UVRAG: variants seen among roughly 807,000 people sequenced by gnomAD.
The protein encoded by UVRAG is UV radiation resistance associated.
In UVRAG, 19 loss-of-function variants were observed where a neutral mutation model predicts 78.0. That is an observed-to-expected ratio of 0.24 (90% CI 0.17 to 0.36). The LOEUF (loss-of-function observed/expected upper bound fraction) is 0.36. UVRAG is among the 10% of genes least tolerant of loss of function. The pLI is 1.00. For synonymous variants in UVRAG, 323 were observed against 324.6 expected (o/e 1.00, Z 0.05); for missense variants, 740 against 853.8 (o/e 0.87, Z 1.66).
intron 14 of UVRAG, among the ~76,000 whole-genome samples, chr11:76,134,260 C>A (rs1450312645): frequency 8.1e-6 from 1 of 122,846 alleles, no homozygotes; most frequent in Non-Finnish European, 1.7e-5. Context: ...CACACCTGGC[C>A]TTTTTTTTTT....
At chr11:76,011,217 GATAAA>G (rs1353467335) in intron 11 of UVRAG, among the ~76,000 whole-genome samples, 4 of 152,152 alleles carry the variant, frequency 2.6e-5, no homozygotes, top group African/African-American at 9.7e-5. Flanking sequence ...CAAAATGTGA[GATAAA>G]ATGAAATAAA....
intron 13 of UVRAG, among the ~76,000 whole-genome samples, chr11:76,105,096 T>C (rs1187058497): frequency 6.6e-6 from 1 of 152,200 alleles, no homozygotes; most frequent in Non-Finnish European, 1.5e-5. Context: ...ATAAATCATA[T>C]GTGTTAAGTA....
chr11:75,909,648 T>C (rs2135019136), intron 5 of UVRAG, among the ~76,000 whole-genome samples: 1 of 152,376 alleles, frequency 6.6e-6, no homozygotes, highest in East Asian at 1.9e-4. Flanking sequence ...TATAATGGTG[T>C]GCCCATCAAG....
chr11:76,002,845 G>A (rs1949843179), intron 8 of UVRAG, among the ~76,000 whole-genome samples: 1 of 152,118 alleles, frequency 6.6e-6, no homozygotes, highest in African/African-American at 2.4e-5. Context: ...GGAGGCCACG[G>A]CAGGCGGATG....
In UVRAG at chr11:76,083,991, G is replaced by A. The variant is rs1203312367; in HGVS notation, c.1305+18203G>A. Among the ~76,000 whole-genome samples the A allele has an allele frequency of 2.6e-5, 4 of 152,340 alleles. No homozygotes were observed. In the East Asian group the frequency reaches 5.8e-4, roughly 22 times the overall value. On this transcript the variant is annotated intron_variant, in intron 13 of 14. Coordinates refer to ENST00000356136, the MANE Select transcript of UVRAG (RefSeq NM_003369.4). ...AGTTCTAAGCAGTGGGCTTAGCCAG[G>A]TTGGTTAGTGCTGCCTTAGGACTGA...
chr11:75,920,473 A>G (rs760592130), intron 6 of UVRAG, among the ~76,000 whole-genome samples: 7 of 152,184 alleles, frequency 4.6e-5, no homozygotes, highest in Non-Finnish European at 1.0e-4. Flanking sequence ...ACATATACAC[A>G]CACACACAGT....
intron 12 of UVRAG, among the ~76,000 whole-genome samples, chr11:76,055,232 G>C (rs1172615532): frequency 1.3e-5 from 2 of 152,086 alleles, no homozygotes; most frequent in Non-Finnish European, 2.9e-5. Context: ...ATTTTTAGTA[G>C]AGACAGGATT....
At chr11:75,990,356 T>C (rs1949581164) in intron 8 of UVRAG, among the ~76,000 whole-genome samples, 1 of 152,210 alleles carries the variant, frequency 6.6e-6, no homozygotes, top group South Asian at 2.1e-4. Context: ...TTTAACAGGC[T>C]TCCAAGTTCT....
rs1389081943 is a variant in UVRAG, at chr11:76,140,099, C to A, written c.1398-612C>A. 1.4e-3 allele frequency among the ~76,000 whole-genome samples: 34 copies of A among 24,980 alleles called. 5 individuals carry two copies. The highest frequency in any genetic ancestry group is 6.0e-3 in the African/African-American group (28 of 4,630). The allele number at this position is 24,980 out of a possible 152,430, so 16.4% of individuals were successfully genotyped here. Reference sequence around the variant, plus strand: ...CCTCCCTCCCCCTCTCCCCCTCCCTCCCTCCCTCCCTCCCTCTCTCTCTCT... The same window carrying A: ...CCTCCCTCCCCCTCTCCCCCTCCCTACCTCCCTCCCTCCCTCTCTCTCTCT... On this transcript the variant is annotated intron_variant, in intron 14 of 14. Coordinates refer to ENST00000356136, the MANE Select transcript of UVRAG (RefSeq NM_003369.4).
chr11:75,895,600 G>A (rs1947325876), intron 5 of UVRAG, among the ~76,000 whole-genome samples: 1 of 150,578 alleles, frequency 6.6e-6, no homozygotes, highest in South Asian at 2.1e-4. Flanking sequence ...TAGCAAAATG[G>A]TCTTTATTTG....
intron 7 of UVRAG, among the ~76,000 whole-genome samples, chr11:75,974,198 C>T (rs952292918): frequency 6.6e-6 from 1 of 152,158 alleles, no homozygotes; most frequent in African/African-American, 2.4e-5. Context: ...TATTTCTCCA[C>T]GTCCTCTCCA....
intron 12 of UVRAG, among the ~76,000 whole-genome samples, chr11:76,038,733 C>T (rs556873058): frequency 6.6e-6 from 1 of 152,298 alleles, no homozygotes; most frequent in East Asian, 1.9e-4. Context: ...GAAGCAGTAG[C>T]AGATGCTCTT....
At chr11:76,087,282 A>G (rs1236884259) in intron 13 of UVRAG, among the ~76,000 whole-genome samples, 2 of 152,360 alleles carry the variant, frequency 1.3e-5, no homozygotes, top group South Asian at 2.1e-4. Context: ...ACAATTACAG[A>G]TATGAGTTGC....
intron 3 of UVRAG, among the ~76,000 whole-genome samples, chr11:75,878,839 A>C (rs936505121): frequency 2.2e-5 from 3 of 137,514 alleles, no homozygotes; most frequent in African/African-American, 8.0e-5. Flanking sequence ...TCGGCATCAG[A>C]GGGAGACCAT....
chr11:76,110,098 C>T (rs1364453076), intron 13 of UVRAG, among the ~76,000 whole-genome samples: 2 of 151,882 alleles, frequency 1.3e-5, no homozygotes, highest in Non-Finnish European at 2.9e-5. Context: ...TCCTTTTCTG[C>T]CCCCCATTCT....
chr11:75,924,886 T>G (rs1422304416), intron 6 of UVRAG, among the ~76,000 whole-genome samples: 1 of 152,158 alleles, frequency 6.6e-6, no homozygotes, highest in Non-Finnish European at 1.5e-5. Flanking sequence ...TCCCAAAACA[T>G]GTTCAGAACT....
At chr11:75,847,606 C>G (rs1438609010) in intron 1 of UVRAG, among the ~76,000 whole-genome samples, 2 of 152,054 alleles carry the variant, frequency 1.3e-5, no homozygotes, top group Non-Finnish European at 2.9e-5. Flanking sequence ...AAGGCCAGAC[C>G]TAGGGCACAA....
chr11:75,944,593 A>C (rs1166805828), intron 6 of UVRAG, among the ~76,000 whole-genome samples: 2 of 152,198 alleles, frequency 1.3e-5, no homozygotes, highest in Non-Finnish European at 2.9e-5. Context: ...TGCTGGGTAT[A>C]CAGTGGTGAT....
At chr11:75,869,469 G>A (rs1205712666) in intron 3 of UVRAG, among the ~76,000 whole-genome samples, 2 of 152,188 alleles carry the variant, frequency 1.3e-5, no homozygotes, top group Admixed American at 1.3e-4. Context: ...TTGAGTGTGT[G>A]TGTGTGTAGC....
Sources: gnomAD v4.1 joint callset for allele counts (sites outside exome capture counted in the v4.1 genomes callset) on GRCh38, gnomAD v4.1.1 for gene constraint, MANE v1.5 for transcripts, NCBI Gene and HGNC (gene_info 2026-07-23, HGNC 2026-07-21) for gene names.